Variants in RCAN2 observed in about 807,000 individuals in gnomAD.
The protein encoded by RCAN2 is calcipressin-2.
RCAN2 carries 9 observed loss-of-function variants against 23.6 expected under a neutral mutation model. The ratio of observed to expected loss-of-function variants is 0.38; its 90% CI spans 0.23 to 0.67. The LOEUF (loss-of-function observed/expected upper bound fraction) is 0.67. Ranked by LOEUF, RCAN2 falls within the 30% of genes least tolerant of loss-of-function variation. The pLI, the probability that RCAN2 is intolerant of heterozygous loss-of-function variation, is 0.51. For synonymous variants in RCAN2, 109 were observed against 115.7 expected (o/e 0.94, Z 0.37); for missense variants, 273 against 302.3 (o/e 0.90, Z 0.72).
At chr6:46,378,325 CT>C (rs1765535478) in intron 2 of RCAN2, among the ~76,000 whole-genome samples, 1 of 152,124 alleles carries the variant, frequency 6.6e-6, no homozygotes. Flanking sequence ...TAAAATGTTA[CT>C]CAACTTGAGC....
intron 4 of RCAN2, among the ~76,000 whole-genome samples, chr6:46,243,151 G>A (rs780195681): frequency 1.3e-5 from 2 of 152,146 alleles, no homozygotes; most frequent in East Asian, 3.9e-4. Flanking sequence ...AGGAGGAAGG[G>A]TGTGGCCCTG....
intron 4 of RCAN2, among the ~76,000 whole-genome samples, chr6:46,232,317 T>C (rs991246720): frequency 2.0e-5 from 3 of 152,234 alleles, no homozygotes; most frequent in African/African-American, 4.8e-5. Context: ...TTTGGCATTT[T>C]AATCCATGTC....
intron 1 of RCAN2, among the ~76,000 whole-genome samples, chr6:46,468,489 C>T (rs554053100): frequency 2.4e-3 from 369 of 152,306 alleles, no homozygotes; most frequent in African/African-American, 8.3e-3. Context: ...CCACCACAGC[C>T]GCGCCAACGC....
chr6:46,225,525 G>C (rs1029654045), intron 4 of RCAN2, among the ~76,000 whole-genome samples: 2 of 152,194 alleles, frequency 1.3e-5, no homozygotes, highest in Admixed American at 6.5e-5. Context: ...GCATTTCTCT[G>C]ATGGCCAGTG....
chr6:46,249,789 C>G (rs1350518455), intron 2 of RCAN2, among the ~76,000 whole-genome samples: 3 of 152,090 alleles, frequency 2.0e-5, no homozygotes, highest in Non-Finnish European at 4.4e-5. Flanking sequence ...CCATGTGTTT[C>G]AAAAGGTACA....
intron 2 of RCAN2, among the ~76,000 whole-genome samples, chr6:46,269,758 C>G (rs977570347): frequency 1.6e-4 from 24 of 152,254 alleles, no homozygotes; most frequent in Admixed American, 1.5e-3. Context: ...CTGTGGAGAC[C>G]TGAGGGACCC....
chr6:46,480,393 C>G (rs963751102), intron 1 of RCAN2, among the ~76,000 whole-genome samples: 4 of 152,138 alleles, frequency 2.6e-5, no homozygotes, highest in Admixed American at 6.5e-5. Context: ...TATCCAAGTT[C>G]CACAAAAGAA....
At chr6:46,291,810 C>A (rs1224290626) in intron 2 of RCAN2, among the ~76,000 whole-genome samples, 1 of 152,044 alleles carries the variant, frequency 6.6e-6, no homozygotes, top group Non-Finnish European at 1.5e-5. Context: ...CCTATGCATA[C>A]CTAAGAAGGA....
At position 46,397,372 on chromosome 6, in the gene RCAN2, A is replaced by AACACACACAC. The variant is rs58494804; in HGVS notation, c.225+59370_225+59379dup. ...TCCATATAGGATAAAATTTCACAGA[A>AACACACACAC]ACACACACACACACACACACACACA... On this transcript the variant is annotated intron_variant, in intron 2 of 4. Transcript: ENST00000371374. Among the ~76,000 whole-genome samples, 273 of 146,234 alleles carry AACACACACAC rather than the reference A, an allele frequency of 1.9e-3. 4 individuals are homozygous for AACACACACAC. The South Asian group carries it at 0.032, about 17-fold the overall frequency.
chr6:46,477,855 G>A (rs529172585), intron 1 of RCAN2, among the ~76,000 whole-genome samples: 1 of 152,216 alleles, frequency 6.6e-6, no homozygotes, highest in South Asian at 2.1e-4. Context: ...GAACAGAAAA[G>A]CTCCTACCAT....
At chr6:46,481,247 T>C (rs1200605699) in intron 1 of RCAN2, among the ~76,000 whole-genome samples, 2 of 152,230 alleles carry the variant, frequency 1.3e-5, no homozygotes, top group African/African-American at 2.4e-5. Flanking sequence ...CTGGTTTTTA[T>C]ACCCTAGTGG....
At chr6:46,448,105 A>C (rs746370166) in intron 2 of RCAN2, among the ~76,000 whole-genome samples, 16 of 151,844 alleles carry the variant, frequency 1.1e-4, no homozygotes, top group Non-Finnish European at 1.8e-4. Context: ...TAGCTTAATA[A>C]AAAAATCTGA....
intron 1 of RCAN2, among the ~76,000 whole-genome samples, chr6:46,466,558 C>A (rs1020186510): frequency 6.6e-5 from 10 of 152,100 alleles, no homozygotes; most frequent in African/African-American, 2.4e-4. Context: ...GAAGAAAAAT[C>A]CCCATCTCAG....
intron 2 of RCAN2, among the ~76,000 whole-genome samples, chr6:46,257,046 G>C (rs150349134): frequency 6.6e-6 from 1 of 152,318 alleles, no homozygotes; most frequent in East Asian, 1.9e-4. Flanking sequence ...GTTATGCGGA[G>C]AGCACTGTCT....
chr6:46,423,468 T>C (rs1398029720), intron 2 of RCAN2, among the ~76,000 whole-genome samples: 1 of 152,210 alleles, frequency 6.6e-6, no homozygotes, highest in Non-Finnish European at 1.5e-5. Context: ...TGAAGGTTGA[T>C]TCTTATCCAC....
rs367877498 is a variant in RCAN2 at position 46,381,387 on chromosome 6, G to A, written c.225+75365C>T. On this transcript the variant is annotated intron_variant, in intron 2 of 4. Coordinates refer to ENST00000371374, the MANE Select transcript of RCAN2 (RefSeq NM_001251974.2). ...CTGTGGCTCGGTTCTCTTATCCACT[G>A]CTTATTTTGCCAGTTTCTGAAATCA... Among the ~76,000 whole-genome samples the A allele has an allele frequency of 2.4e-4, 37 of 152,244 alleles. 1 individual carries two copies. In the South Asian group the frequency reaches 5.0e-3, roughly 21 times the overall value.
chr6:46,308,127 C>T (rs1439354192), intron 2 of RCAN2, among the ~76,000 whole-genome samples: 1 of 152,156 alleles, frequency 6.6e-6, no homozygotes, highest in East Asian at 1.9e-4. Context: ...TCTGCCACTT[C>T]TTGGCTCTGT....
At chr6:46,425,895 T>TC (rs1767017662) in intron 2 of RCAN2, among the ~76,000 whole-genome samples, 2 of 149,694 alleles carry the variant, frequency 1.3e-5, no homozygotes, top group Admixed American at 6.6e-5. Context: ...CTTCTTTCTT[T>TC]CTTTTTTTTT....
chr6:46,280,987 C>T (rs1767892385), intron 2 of RCAN2, among the ~76,000 whole-genome samples: 1 of 152,156 alleles, frequency 6.6e-6, no homozygotes. Flanking sequence ...TCAATCAGTA[C>T]AGTTCTAGAG....
Sources: allele counts gnomAD v4.1 joint callset (sites outside exome capture counted in the v4.1 genomes callset), GRCh38; gene constraint gnomAD v4.1.1; transcripts MANE v1.5; gene names NCBI Gene and HGNC (gene_info 2026-07-23, HGNC 2026-07-21).